Variants in HDAC1 observed in about 807,000 individuals in gnomAD.
The protein encoded by HDAC1 is histone deacetylase 1.
A neutral mutation model predicts 65.5 loss-of-function variants in HDAC1; 18 were observed. That is an observed-to-expected ratio of 0.27 (90% CI 0.19 to 0.41). HDAC1 has a LOEUF of 0.41. Among genes scored for constraint, HDAC1 ranks in the 10% least tolerant of loss-of-function variants. HDAC1 has a pLI of 1.00. For synonymous variants in HDAC1, 211 were observed against 227.9 expected (o/e 0.93, Z 0.67); for missense variants, 373 against 625.2 (o/e 0.60, Z 4.30).
intron 1 of HDAC1, among the ~76,000 whole-genome samples, chr1:32,299,994 C>T (rs1217598499): frequency 6.6e-6 from 1 of 151,356 alleles, no homozygotes; most frequent in Admixed American, 6.6e-5. Context: ...GGAGGCGGAG[C>T]TTGCAGTGAG....
chr1:32,302,449 CT>C (rs372936348), intron 1 of HDAC1, among the ~76,000 whole-genome samples, 171 bp from the exon 2 acceptor site: 2,157 of 131,998 alleles, frequency 0.016, 8 homozygotes, highest in Non-Finnish European at 0.025. Flanking sequence ...AGGGTCCCTG[CT>C]TTTTTTTTTT....
chr1:32,322,363 A>C (rs1420279084), intron 3 of HDAC1, among the ~76,000 whole-genome samples: 1 of 150,000 alleles, frequency 6.7e-6, no homozygotes, highest in Non-Finnish European at 1.5e-5. Flanking sequence ...TGCAACCTCC[A>C]CGTTTTGGGT....
At chr1:32,318,540 G>A (rs1641095366) in intron 3 of HDAC1, among the ~76,000 whole-genome samples, 1 of 150,772 alleles carries the variant, frequency 6.6e-6, no homozygotes. Flanking sequence ...TCCAGCCTGG[G>A]CAACAGAGCG....
intron 4 of HDAC1, among the ~76,000 whole-genome samples, chr1:32,324,893 T>C (rs1225569249): frequency 6.6e-6 from 1 of 151,994 alleles, no homozygotes; most frequent in Non-Finnish European, 1.5e-5. Context: ...TTAAACCCAG[T>C]AGGTTGAGGC....
At chr1:32,306,111 G>A (rs1300405265) in intron 2 of HDAC1, among the ~76,000 whole-genome samples, 4 of 151,740 alleles carry the variant, frequency 2.6e-5, no homozygotes, top group Admixed American at 2.6e-4. Context: ...CTTGTTATCT[G>A]GTAGCACAGT....
At chr1:32,309,752 G>A (rs1640965121) in intron 2 of HDAC1, among the ~76,000 whole-genome samples, 1 of 151,416 alleles carries the variant, frequency 6.6e-6, no homozygotes, top group Non-Finnish European at 1.5e-5. Context: ...ATTCCTAGGT[G>A]AGATTATAAT....
chr1:32,310,084 T>G (rs904999900), intron 2 of HDAC1, among the ~76,000 whole-genome samples: 2 of 152,148 alleles, frequency 1.3e-5, no homozygotes, highest in African/African-American at 4.8e-5. Context: ...CTTTAAAAAA[T>G]GAAATTGTCC....
At position 32,327,179 on chromosome 1, in the gene HDAC1, G is replaced by C. The variant is rs1486933544; in HGVS notation, c.494+102G>C. Reference sequence around the variant, plus strand: ...TCCCTAGTTTGCTTTTCCTACCGATGTGCTGGCTAGGATGTGCTCGGTGAG... The same window carrying C: ...TCCCTAGTTTGCTTTTCCTACCGATCTGCTGGCTAGGATGTGCTCGGTGAG... On this transcript the variant is annotated intron_variant, in intron 5 of 13. Transcript: ENST00000373548. This position sits in a 1 kb window ranked among gnomAD's most constrained non-coding sequence, Gnocchi z 6.0. 23 of 1,204,014 alleles carry C rather than the reference G, an allele frequency of 1.9e-5. No homozygotes were observed. Among genetic ancestry groups the C allele is most frequent in the Non-Finnish European group, 2.6e-5 (22 of 834,710 alleles). 74.6% of individuals were successfully genotyped at this position (1,204,014 alleles called of 1,614,324 possible). A position where few individuals can be genotyped will look rare whatever the true frequency, so the allele number is the denominator to read the frequency against.
At chr1:32,295,100 A>G (rs115098872) in intron 1 of HDAC1, among the ~76,000 whole-genome samples, 2,634 of 152,300 alleles carry the variant, frequency 0.017, 41 homozygotes, top group Middle Eastern at 0.044. Flanking sequence ...TTAGTCTGCT[A>G]TAACAGAACA....
In HDAC1 at chr1:32,302,721, A is replaced by C. The variant is rs754808852; in HGVS notation, c.150A>C (p.Lys50Asn). The C allele has an allele frequency of 6.5e-7, 1 of 1,549,632 alleles. No homozygotes were observed. The highest frequency in any genetic ancestry group is 8.9e-7 in the Non-Finnish European group (1 of 1,121,254). Residue 50 changes from lysine (K) to asparagine (N), a missense_variant, in exon 2 of 14, where the codon AAA becomes AAC. By Grantham distance (94) the Lys-to-Asn change is moderately conservative. Transcript: ENST00000373548. Reference protein sequence around the residue: ...NLLLNYGLYRKMEIYRPHKAN... With the variant: ...NLLLNYGLYRNMEIYRPHKAN... Reference sequence around the variant, plus strand: ...TGCTCAACTATGGTCTCTACCGAAAAATGGAAATCTATGTGAGTTACCAGA... The same window carrying C: ...TGCTCAACTATGGTCTCTACCGAAACATGGAAATCTATGTGAGTTACCAGA...
intron 3 of HDAC1, among the ~76,000 whole-genome samples, chr1:32,322,980 G>A (rs1015210890): frequency 1.3e-5 from 2 of 152,140 alleles, no homozygotes; most frequent in Non-Finnish European, 2.9e-5. Context: ...CTTGGAAAAG[G>A]GCCGGGATAT....
chr1:32,322,006 C>T (rs778489979), intron 3 of HDAC1, among the ~76,000 whole-genome samples: 1 of 152,162 alleles, frequency 6.6e-6, no homozygotes, highest in African/African-American at 2.4e-5. Flanking sequence ...CTCAGAGCAC[C>T]GGATCTTGGC....
At chr1:32,292,288 G>T (rs1255548844) in intron 1 of HDAC1, 70 bp downstream of exon 1, 2 of 1,542,438 alleles carry the variant, frequency 1.3e-6, no homozygotes, top group Admixed American at 2.0e-5. Flanking sequence ...GCTGAGGCTG[G>T]AGCGCCGATG....
chr1:32,294,037 C>T (rs1375154287), intron 1 of HDAC1, among the ~76,000 whole-genome samples: 3 of 151,006 alleles, frequency 2.0e-5, no homozygotes, highest in African/African-American at 4.9e-5. Context: ...CACTGCACTC[C>T]GTCCTGGGCA....
At chr1:32,314,516 A>G (rs1432980131) in intron 2 of HDAC1, among the ~76,000 whole-genome samples, 3 of 152,014 alleles carry the variant, frequency 2.0e-5, no homozygotes, top group Non-Finnish European at 4.4e-5. Context: ...CCTTATTTTT[A>G]TAAATATTTC....
rs372308783 is a variant in HDAC1, at chr1:32,309,762, T to G, written c.163-6903T>G. Among the ~76,000 whole-genome samples, 4 of 151,604 alleles carry G rather than the reference T, an allele frequency of 2.6e-5. No individual in the cohort carries two copies. The East Asian group carries it at 5.9e-4, about 22-fold the overall frequency. On this transcript the variant is annotated intron_variant, in intron 2 of 13. Coordinates refer to ENST00000373548, the MANE Select transcript of HDAC1 (RefSeq NM_004964.3). ...TGGCTATTCCTAGGTGAGATTATAA[T>G]GCACTATAGCCTCAAACTCCTGTCT...
intron 2 of HDAC1, among the ~76,000 whole-genome samples, chr1:32,313,974 T>G (rs1641024499): frequency 6.6e-6 from 1 of 152,140 alleles, no homozygotes; most frequent in South Asian, 2.1e-4. Flanking sequence ...AAGTAAAAAT[T>G]CATAAAGTAG....
Position 32,292,151 on chromosome 1 carries a change from G to C in HDAC1, c.-19G>C. ...AGGGCGGACGGACCGACTGACGGTA[G>C]GGACGGGAGGCGAGCAAGATGGCGC... On this transcript the variant is annotated 5_prime_UTR_variant, in exon 1 of 14. Coordinates refer to ENST00000373548, the MANE Select transcript of HDAC1 (RefSeq NM_004964.3). 6.5e-7 allele frequency: 1 copy of C among 1,547,910 alleles called. No homozygotes were observed. Among genetic ancestry groups the C allele is most frequent in the Non-Finnish European group, 8.7e-7 (1 of 1,146,170 alleles).
chr1:32,318,885 G>A (rs1489106603), intron 3 of HDAC1, among the ~76,000 whole-genome samples: 1 of 152,088 alleles, frequency 6.6e-6, no homozygotes, highest in Non-Finnish European at 1.5e-5. Flanking sequence ...TTGGGAGGCT[G>A]AGGCAAGCAG....
Sources: gnomAD v4.1 joint callset for allele counts (sites outside exome capture counted in the v4.1 genomes callset) on GRCh38, gnomAD v4.1.1 for gene constraint, Gnocchi (gnomAD v3.1) non-coding constraint, MANE v1.5 for transcripts, NCBI Gene and HGNC (gene_info 2026-07-23, HGNC 2026-07-21) for gene names.